SPAG16: variants seen among roughly 807,000 people sequenced by gnomAD.
SPAG16 encodes sperm-associated antigen 16 protein.
In SPAG16, 86 loss-of-function variants were observed where a neutral mutation model predicts 80.4. The ratio of observed to expected loss-of-function variants is 1.07; its 90% CI spans 0.90 to 1.28. The LOEUF is 1.28. Ranked by LOEUF, SPAG16 falls within the 50% of genes most tolerant of loss-of-function variation. The pLI is 0.00. For synonymous variants in SPAG16, 294 were observed against 265.9 expected (o/e 1.11, Z -1.03); for missense variants, 870 against 765.3 (o/e 1.14, Z -1.61).
intron 12 of SPAG16, among the ~76,000 whole-genome samples, chr2:213,963,586 C>T (rs967830867): frequency 4.6e-5 from 7 of 152,198 alleles, no homozygotes; most frequent in Admixed American, 3.3e-4. Flanking sequence ...ATCCTTCTTG[C>T]GCTTCTGCCT....
At chr2:213,391,153 A>G (rs888546612) in intron 9 of SPAG16, among the ~76,000 whole-genome samples, 8 of 152,274 alleles carry the variant, frequency 5.3e-5, no homozygotes, top group East Asian at 3.9e-4. Context: ...CTGTAATTCC[A>G]GCTACTTGGG....
chr2:213,903,870 C>A (rs1462574475), intron 11 of SPAG16, among the ~76,000 whole-genome samples: 1 of 152,188 alleles, frequency 6.6e-6, no homozygotes, highest in Non-Finnish European at 1.5e-5. Flanking sequence ...TCTAAATCAT[C>A]TCTCTCAAGT....
intron 15 of SPAG16, among the ~76,000 whole-genome samples, chr2:214,155,905 G>C (rs2056193377): frequency 6.6e-6 from 1 of 152,068 alleles, no homozygotes; most frequent in African/African-American, 2.4e-5. Context: ...CTGTCACCTA[G>C]CTGATTAAAT....
rs536953149 is a variant in SPAG16, at chr2:214,399,333, A to G, written c.1721-10807A>G. On this transcript the variant is annotated intron_variant, in intron 15 of 15. Coordinates refer to ENST00000331683, the MANE Select transcript of SPAG16 (RefSeq NM_024532.5). ...CATATTTGCATATCTTTTTTTTACT[A>G]TAACTATTAATGGTGTAGTGATGCT... 2.4e-4 allele frequency among the ~76,000 whole-genome samples: 36 copies of G among 152,114 alleles called. No individual in the cohort carries two copies. The South Asian group carries it at 5.8e-3, about 25-fold the overall frequency.
At chr2:213,347,698 C>G (rs1398848929) in intron 6 of SPAG16, among the ~76,000 whole-genome samples, 11 of 152,176 alleles carry the variant, frequency 7.2e-5, no homozygotes, top group South Asian at 2.1e-4. Context: ...GAGCGGTTTT[C>G]AGTGAGTTTC....
At chr2:214,020,063 C>T (rs1208756220) in intron 13 of SPAG16, among the ~76,000 whole-genome samples, 1 of 152,084 alleles carries the variant, frequency 6.6e-6, no homozygotes, top group African/African-American at 2.4e-5. Flanking sequence ...ATCTACATAG[C>T]TTACTGGAAT....
At chr2:213,596,589 A>G (rs1456630549) in intron 10 of SPAG16, among the ~76,000 whole-genome samples, 1 of 152,130 alleles carries the variant, frequency 6.6e-6, no homozygotes, top group Admixed American at 6.5e-5. Context: ...CAGTTTTCGT[A>G]CTTTTAGATA....
chr2:214,170,070 C>T (rs139794677), intron 15 of SPAG16, among the ~76,000 whole-genome samples: 43 of 152,036 alleles, frequency 2.8e-4, no homozygotes, highest in Admixed American at 1.9e-3. Flanking sequence ...TACCACTTGA[C>T]TCCACATGCA....
chr2:213,445,425 G>T (rs1250071139), intron 9 of SPAG16, among the ~76,000 whole-genome samples: 2 of 152,198 alleles, frequency 1.3e-5, no homozygotes, highest in Non-Finnish European at 2.9e-5. Context: ...ACTTTGGGAT[G>T]CTGAGGCAAG....
At chr2:213,930,215 T>C (rs2106246111) in intron 12 of SPAG16, 70 bp downstream of exon 12, 1 of 389,396 alleles carries the variant, frequency 2.6e-6, no homozygotes, top group East Asian at 1.0e-4. Flanking sequence ...GGTAAAGTTC[T>C]TTTTTTTTTT....
At chr2:214,392,698 G>GAA (rs34299318) in intron 15 of SPAG16, among the ~76,000 whole-genome samples, 331 of 144,710 alleles carry the variant, frequency 2.3e-3, no homozygotes, top group Admixed American at 3.2e-3. Flanking sequence ...ACCTACAAAG[G>GAA]AAAAAAAAAA....
intron 15 of SPAG16, among the ~76,000 whole-genome samples, chr2:214,265,751 A>G (rs970987853): frequency 5.9e-5 from 9 of 152,006 alleles, no homozygotes; most frequent in African/African-American, 1.9e-4. Context: ...TTAGGTATAT[A>G]ATTCATTTTG....
rs557358259 is a variant in SPAG16, at chr2:214,200,273, G to T, written c.1720+51007G>T. On this transcript the variant is annotated intron_variant, in intron 15 of 15. Coordinates refer to ENST00000331683, the MANE Select transcript of SPAG16 (RefSeq NM_024532.5). ...GAAGGTAAGTCTGTTCTATGCCAAT[G>T]TCGTTGAGGGTTTTGATCATAAAGG... 2.6e-5 allele frequency among the ~76,000 whole-genome samples: 4 copies of T among 152,202 alleles called. No individual in the cohort carries two copies. The South Asian group carries it at 8.3e-4, about 32-fold the overall frequency.
intron 12 of SPAG16, among the ~76,000 whole-genome samples, chr2:214,008,272 AC>A (rs1252042899): frequency 1.3e-5 from 2 of 152,088 alleles, no homozygotes; most frequent in Non-Finnish European, 2.9e-5. Context: ...ACCCATTATA[AC>A]TATATGTTTC....
At chr2:213,714,633 A>G (rs2066150929) in intron 10 of SPAG16, among the ~76,000 whole-genome samples, 1 of 152,162 alleles carries the variant, frequency 6.6e-6, no homozygotes, top group Non-Finnish European at 1.5e-5. Flanking sequence ...ATGAACAAGC[A>G]TGGCCCCTAC....
intron 11 of SPAG16, among the ~76,000 whole-genome samples, chr2:213,882,182 A>C (rs757907141): frequency 1.8e-4 from 28 of 152,188 alleles, no homozygotes; most frequent in Non-Finnish European, 2.9e-4. Context: ...AATAAAGCCT[A>C]CTACATCATG....
chr2:214,326,944 CAAAAAAAA>C, intron 15 of SPAG16, among the ~76,000 whole-genome samples: 1 of 64,472 alleles, frequency 1.6e-5, no homozygotes. Flanking sequence ...GACTAAGTCT[CAAAAAAAA>C]AAAAAAAAAA....
At chr2:213,441,444 A>G (rs941914879) in intron 9 of SPAG16, among the ~76,000 whole-genome samples, 1 of 152,210 alleles carries the variant, frequency 6.6e-6, no homozygotes, top group Non-Finnish European at 1.5e-5. Context: ...AACAAAATCT[A>G]TGGTTTCGTA....
chr2:213,594,555 T>G (rs2060821905), intron 10 of SPAG16, among the ~76,000 whole-genome samples: 1 of 152,220 alleles, frequency 6.6e-6, no homozygotes, highest in Non-Finnish European at 1.5e-5. Flanking sequence ...CTGGCAAGCC[T>G]CTGTTCATCT....
Sources: allele counts gnomAD v4.1 joint callset (sites outside exome capture counted in the v4.1 genomes callset), GRCh38; gene constraint gnomAD v4.1.1; transcripts MANE v1.5; gene names NCBI Gene and HGNC (gene_info 2026-07-23, HGNC 2026-07-21).